SLCO3A1: variants seen among roughly 807,000 people sequenced by gnomAD.
The protein encoded by SLCO3A1 is PGE1 transporter.
In SLCO3A1, 27 loss-of-function variants were observed where a neutral mutation model predicts 63.1. The ratio of observed to expected loss-of-function variants is 0.43; its 90% CI spans 0.32 to 0.59. SLCO3A1 has a LOEUF of 0.59. SLCO3A1 is among the 20% of genes least tolerant of loss of function. The pLI, the probability that SLCO3A1 is intolerant of heterozygous loss-of-function variation, is 0.09. For missense variants in SLCO3A1, 773 were observed against 945.8 expected, an observed-to-expected ratio of 0.82 and a Z score of 2.40; for synonymous variants, 473 against 409.9, an observed-to-expected ratio of 1.15 and a Z score of -1.86.
intron 4 of SLCO3A1, among the ~76,000 whole-genome samples, chr15:92,115,884 C>T (rs1192786339): frequency 6.7e-6 from 1 of 150,266 alleles, no homozygotes; most frequent in Non-Finnish European, 1.5e-5. Context: ...TTTTCCCCAA[C>T]CTAGGCAGAA....
intron 1 of SLCO3A1, among the ~76,000 whole-genome samples, chr15:91,899,495 C>T (rs1048014229): frequency 6.6e-6 from 1 of 152,294 alleles, no homozygotes; most frequent in East Asian, 1.9e-4. Flanking sequence ...AACGTGACTC[C>T]TCTTGCAGGA....
chr15:91,947,019 C>T (rs1163622004), intron 2 of SLCO3A1, among the ~76,000 whole-genome samples: 3 of 152,156 alleles, frequency 2.0e-5, no homozygotes, highest in East Asian at 1.9e-4. Context: ...CCAGTCATAC[C>T]CCTTAAAGCA....
At chr15:92,134,847 T>A (rs2048037003) in intron 7 of SLCO3A1, among the ~76,000 whole-genome samples, 1 of 151,996 alleles carries the variant, frequency 6.6e-6, no homozygotes, top group Non-Finnish European at 1.5e-5. Context: ...GAACTTGCAG[T>A]ATCAGGCCTG....
intron 2 of SLCO3A1, among the ~76,000 whole-genome samples, chr15:91,974,994 T>C (rs1901043434): frequency 6.6e-6 from 1 of 152,200 alleles, no homozygotes; most frequent in Non-Finnish European, 1.5e-5. Flanking sequence ...GTTAACTTAA[T>C]TTCTCTGTAC....
intron 2 of SLCO3A1, among the ~76,000 whole-genome samples, chr15:92,065,733 G>T (rs1169768748): frequency 6.6e-6 from 1 of 151,968 alleles, no homozygotes; most frequent in Non-Finnish European, 1.5e-5. Context: ...TGTTATTGAG[G>T]TATAATTTAT....
At position 91,948,142 on chromosome 15, in the gene SLCO3A1, G is replaced by A. The variant is rs1899873825; in HGVS notation, c.646+31684G>A. The stretch of plus-strand genomic sequence containing the variant: ...CCCTAATAAAAGTCTGAGCCAGAAA[G>A]TGGGTGGAAGCCCTGGCCCTTTGTT... On this transcript the variant is annotated intron_variant, in intron 2 of 9. Transcript: ENST00000318445. This position sits in a 1 kb window ranked among gnomAD's most constrained non-coding sequence, Gnocchi z 4.8. Among the ~76,000 whole-genome samples the A allele has an allele frequency of 6.6e-6, 1 of 152,230 alleles. No individual in the cohort carries two copies. The highest frequency in any genetic ancestry group is 2.4e-5 in the African/African-American group (1 of 41,470).
intron 1 of SLCO3A1, among the ~76,000 whole-genome samples, chr15:91,880,119 G>A (rs71411113): frequency 0.17 from 19,386 of 115,114 alleles, 1,901 homozygotes; most frequent in Middle Eastern, 0.24. Flanking sequence ...CCGTCCGTCC[G>A]TCCGTCCGTC....
chr15:91,868,457 T>C (rs1219164852), intron 1 of SLCO3A1, among the ~76,000 whole-genome samples: 1 of 138,764 alleles, frequency 7.2e-6, no homozygotes, highest in African/African-American at 2.7e-5. Context: ...TAAACATAGA[T>C]AACATAAAAA....
chr15:92,078,121 G>A lies in SLCO3A1; in HGVS notation c.647-16760G>A, dbSNP rs1355847088. ...CATGGCATCAACAGAGCTGGATCTC[G>A]AGGTAGCAGTGGGCTTTCCACTGTG... On this transcript the variant is annotated intron_variant, in intron 2 of 9. Transcript: ENST00000318445. Among the ~76,000 whole-genome samples, 4 of 152,304 alleles carry A rather than the reference G, an allele frequency of 2.6e-5. No homozygotes were observed. The South Asian group carries it at 6.2e-4, about 24-fold the overall frequency.
Position 92,150,979 on chromosome 15 carries a change from C to T in SLCO3A1, c.1718C>T (p.Ala573Val). The T allele has an allele frequency of 6.2e-7, 1 of 1,613,212 alleles. No homozygotes were observed. Among genetic ancestry groups the T allele is most frequent in the Non-Finnish European group, 8.5e-7 (1 of 1,179,656 alleles). ...RTVSPELKSYALGVLFLLLRL... is the reference protein window; with the variant it reads ...RTVSPELKSYVLGVLFLLLRL... ...GTCAGCCCTGAACTCAAGTCTTACGCTTTGGGAGTTCTTTTTCTCCTCCTT... is the reference window on the plus strand; with the variant it reads ...GTCAGCCCTGAACTCAAGTCTTACGTTTTGGGAGTTCTTTTTCTCCTCCTT... Residue 573 changes from alanine to valine, a missense_variant, in exon 9 of 10, where the codon GCT becomes GTT. This residue lies in a region of SLCO3A1 where 565 missense variants were observed against 749.8 expected (regional missense o/e 0.75). Transcript: ENST00000318445.
intron 1 of SLCO3A1, among the ~76,000 whole-genome samples, chr15:91,909,675 C>A (rs1181688766): frequency 6.6e-6 from 1 of 152,204 alleles, no homozygotes; most frequent in Non-Finnish European, 1.5e-5. Flanking sequence ...GCAGGCTCTC[C>A]ACACTGCACT....
chr15:92,042,236 A>G (rs867203731), intron 2 of SLCO3A1, among the ~76,000 whole-genome samples: 26 of 152,178 alleles, frequency 1.7e-4, no homozygotes, highest in African/African-American at 5.8e-4. Flanking sequence ...TAACATTCAC[A>G]CAGTGTCAGA....
chr15:92,118,092 A>G (rs879750558), intron 4 of SLCO3A1, among the ~76,000 whole-genome samples: 11 of 152,252 alleles, frequency 7.2e-5, no homozygotes, highest in Admixed American at 2.6e-4. Flanking sequence ...CATAAAGACC[A>G]GTACACTTAA....
intron 1 of SLCO3A1, among the ~76,000 whole-genome samples, chr15:91,873,416 A>G (rs1897322960): frequency 6.6e-6 from 1 of 152,090 alleles, no homozygotes; most frequent in Non-Finnish European, 1.5e-5. Context: ...TAATTCTATT[A>G]TGACGAAACA....
chr15:91,939,431 T>C (rs1388874010), intron 2 of SLCO3A1, among the ~76,000 whole-genome samples: 2 of 152,100 alleles, frequency 1.3e-5, no homozygotes, highest in African/African-American at 4.8e-5. Flanking sequence ...ACAGATCATA[T>C]AGGCGCTATA....
At chr15:92,039,295 A>G (rs2046766860) in intron 2 of SLCO3A1, among the ~76,000 whole-genome samples, 1 of 152,332 alleles carries the variant, frequency 6.6e-6, no homozygotes, top group East Asian at 1.9e-4. Context: ...CAGGGAGACT[A>G]TAGAATGGAA....
chr15:91,853,828 C>T lies in SLCO3A1; in HGVS notation c.-81C>T, dbSNP rs1896837798. The stretch of plus-strand genomic sequence containing the variant: ...ACAGCACGCAGCCTCGAGGCGCGCA[C>T]CCCCGCCCGGCAGCGGCCCCGACAC... On this transcript the variant is annotated 5_prime_UTR_variant, in exon 1 of 10. Transcript: ENST00000318445. 1.7e-6 allele frequency: 2 copies of T among 1,175,896 alleles called. No homozygotes were observed. The allele number at this position is 1,175,896 out of a possible 1,614,324, so 72.8% of individuals were successfully genotyped here.
At chr15:92,019,181 G>A (rs1482311925) in intron 2 of SLCO3A1, among the ~76,000 whole-genome samples, 2 of 152,148 alleles carry the variant, frequency 1.3e-5, no homozygotes, top group African/African-American at 2.4e-5. Flanking sequence ...GGCAGAGGTT[G>A]TGTGTGAGAT....
intron 1 of SLCO3A1, among the ~76,000 whole-genome samples, chr15:91,906,827 C>A (rs1567179558): frequency 6.6e-6 from 1 of 151,958 alleles, no homozygotes; most frequent in Non-Finnish European, 1.5e-5. Flanking sequence ...GTTGACTGTA[C>A]CCAGGAGGGA....
Sources: allele counts gnomAD v4.1 joint callset (sites outside exome capture counted in the v4.1 genomes callset), GRCh38; gene constraint gnomAD v4.1.1; regional missense constraint gnomAD v4.1.1; non-coding constraint Gnocchi (gnomAD v3.1); transcripts MANE v1.5; gene names NCBI Gene and HGNC (gene_info 2026-07-23, HGNC 2026-07-21).